The following NIBAN2 variants were observed in gnomAD, a reference collection of about 807,000 sequenced individuals.
The protein encoded by NIBAN2 is niban apoptosis regulator 2.
A neutral mutation model predicts 81.8 loss-of-function variants in NIBAN2; 36 were observed. The observed-to-expected ratio is 0.44, with a 90% CI of 0.34 to 0.58. NIBAN2 has a LOEUF of 0.58. Ranked by LOEUF, NIBAN2 falls within the 20% of genes least tolerant of loss-of-function variation. NIBAN2 has a pLI of 0.02. For missense variants in NIBAN2, 897 were observed against 1,014.1 expected (o/e 0.88, Z 1.57); for synonymous variants, 445 against 441.6 (o/e 1.01, Z -0.10).
At chr9:127,540,282 G>A (rs1450090421) in intron 1 of NIBAN2, among the ~76,000 whole-genome samples, 1 of 152,224 alleles carries the variant, frequency 6.6e-6, no homozygotes, top group Admixed American at 6.5e-5. Context: ...TTGGGGAGCT[G>A]GGGGATGGGG....
intron 1 of NIBAN2, among the ~76,000 whole-genome samples, chr9:127,541,105 C>T (rs1588173203): frequency 6.6e-6 from 1 of 152,292 alleles, no homozygotes; most frequent in South Asian, 2.1e-4. Flanking sequence ...ACTCCATTCT[C>T]GCAGGTCTCA....
intron 1 of NIBAN2, among the ~76,000 whole-genome samples, chr9:127,567,767 C>T (rs1204618010): frequency 6.6e-6 from 1 of 152,200 alleles, no homozygotes; most frequent in Non-Finnish European, 1.5e-5. Flanking sequence ...ATACAAGTGC[C>T]TCTCCTATGC....
At chr9:127,565,948 A>ACACACACG (rs1564321551) in intron 1 of NIBAN2, among the ~76,000 whole-genome samples, 3 of 119,626 alleles carry the variant, frequency 2.5e-5, no homozygotes, top group Admixed American at 8.0e-5. Context: ...TCTCTCTCTC[A>ACACACACG]CACACACACA....
chr9:127,561,267 G>C, intron 1 of NIBAN2: 6 of 985,512 alleles, frequency 6.1e-6, no homozygotes, highest in Non-Finnish European at 7.2e-6. Context: ...CTCATATTTA[G>C]GGCTGCTTAG....
Position 127,507,378 on chromosome 9 carries a change from C to T in NIBAN2, c.1708G>A (p.Val570Ile). 6.6e-7 allele frequency: 1 copy of T among 1,525,140 alleles called. No individual in the cohort carries two copies. The highest frequency in any genetic ancestry group is 8.8e-7 in the Non-Finnish European group (1 of 1,136,304). The allele number at this position is 1,525,140 out of a possible 1,614,324, so 94.5% of individuals were successfully genotyped here. Residue 570 changes from valine to isoleucine, a missense_variant, in exon 14 of 14, where the codon GTC becomes ATC. Physicochemically the swap from Val to Ile is conservative, Grantham distance 29 (BLOSUM62 3). This residue lies in a region of NIBAN2 where 619 missense variants were observed against 691.0 expected (regional missense o/e 0.90). Coordinates refer to ENST00000373312, the MANE Select transcript of NIBAN2 (RefSeq NM_022833.4). This position sits in a 1 kb window ranked among gnomAD's most constrained non-coding sequence, Gnocchi z 6.8. ...AGGTTGGGGTCGCTGTTGTGCATGACCATGCTGTCCCGGTAGAGGTTGTGC... is the reference window on the plus strand; with the variant it reads ...AGGTTGGGGTCGCTGTTGTGCATGATCATGCTGTCCCGGTAGAGGTTGTGC... Reference protein sequence around the residue: ...RKHNLYRDSMVMHNSDPNLHL... With the variant: ...RKHNLYRDSMIMHNSDPNLHL...
chr9:127,572,784 CT>C (rs1182233265), upstream of NIBAN2, among the ~76,000 whole-genome samples: 1 of 152,000 alleles, frequency 6.6e-6, no homozygotes, highest in African/African-American at 2.4e-5. Flanking sequence ...GTGGCTCACA[CT>C]CATAATGCCA....
intron 8 of NIBAN2, among the ~76,000 whole-genome samples, chr9:127,513,271 A>G (rs1836768450): frequency 6.6e-6 from 1 of 152,194 alleles, no homozygotes; most frequent in African/African-American, 2.4e-5. Flanking sequence ...GATAGAGTAG[A>G]AAGATGGTTA....
chr9:127,508,276 G>A lies in NIBAN2; in HGVS notation c.1435-76C>T, dbSNP rs376955906. The A allele has an allele frequency of 1.7e-5, 24 of 1,392,168 alleles. No homozygotes were observed. The highest frequency in any genetic ancestry group is 4.2e-5 in the African/African-American group (3 of 70,684). 86.2% of individuals were successfully genotyped at this position (1,392,168 alleles called of 1,614,324 possible). A position where few individuals can be genotyped will look rare whatever the true frequency, so the allele number is the denominator to read the frequency against. On this transcript the variant is annotated intron_variant, in intron 11 of 13. Transcript: ENST00000373312. This position sits in a 1 kb window ranked among gnomAD's most constrained non-coding sequence, Gnocchi z 6.4. The stretch of plus-strand genomic sequence containing the variant: ...CCCTGAGGGTAGGACGAGGCCAGTG[G>A]TCTGACCCAAGCCTCCGAGTCCTCA...
At chr9:127,566,260 C>G (rs1837857655) in intron 1 of NIBAN2, among the ~76,000 whole-genome samples, 1 of 152,174 alleles carries the variant, frequency 6.6e-6, no homozygotes. Context: ...GGACTTCAGC[C>G]ATCGAGTGGC....
chr9:127,517,763 GC>G lies in NIBAN2; in HGVS notation c.705+62del. ...GCCCCATCTCTGTACCCCACCCCCTGCCCTCCCCTGCTGGGTCCTTGGGTGA... is the reference window on the plus strand; with the variant it reads ...GCCCCATCTCTGTACCCCACCCCCTGCCTCCCCTGCTGGGTCCTTGGGTGA... On this transcript the variant is annotated intron_variant, in intron 6 of 13. Transcript: ENST00000373312. This position sits in a 1 kb window ranked among gnomAD's most constrained non-coding sequence, Gnocchi z 4.0. 1 of 1,231,696 alleles carries G rather than the reference GC, an allele frequency of 8.1e-7. No homozygotes were observed. Among genetic ancestry groups the G allele is most frequent in the Non-Finnish European group, 1.2e-6 (1 of 847,548 alleles). The allele number at this position is 1,231,696 out of a possible 1,614,324, so 76.3% of individuals were successfully genotyped here.
intron 2 of NIBAN2, among the ~76,000 whole-genome samples, chr9:127,528,229 G>T (rs1437442537): frequency 2.6e-5 from 4 of 152,140 alleles, no homozygotes; most frequent in Non-Finnish European, 5.9e-5. Context: ...TTTAAACTAG[G>T]GTTGGGGGCC....
intron 1 of NIBAN2, among the ~76,000 whole-genome samples, chr9:127,552,690 T>TTG (rs1039739213): frequency 3.0e-5 from 4 of 135,300 alleles, no homozygotes; most frequent in African/African-American, 9.0e-5. Context: ...ATTCGTTTTT[T>TTG]TTTTTTTTTT....
At chr9:127,548,586 G>A (rs534861715) in intron 1 of NIBAN2, among the ~76,000 whole-genome samples, 1 of 152,264 alleles carries the variant, frequency 6.6e-6, no homozygotes, top group African/African-American at 2.4e-5. Flanking sequence ...GGGCTTTCCC[G>A]CTGTCTTGCA....
chr9:127,514,270 C>CAAAA (rs34295842), intron 8 of NIBAN2, among the ~76,000 whole-genome samples: 3 of 118,102 alleles, frequency 2.5e-5, no homozygotes, highest in East Asian at 2.9e-4. Context: ...ACTCTGTGTC[C>CAAAA]AAAAAAAAAA....
Position 127,508,258 on chromosome 9 carries a change from G to A in NIBAN2, c.1435-58C>T, listed in dbSNP as rs1023831949. On this transcript the variant is annotated intron_variant, in intron 11 of 13. Coordinates refer to ENST00000373312, the MANE Select transcript of NIBAN2 (RefSeq NM_022833.4). This position sits in a 1 kb window ranked among gnomAD's most constrained non-coding sequence, Gnocchi z 6.4. ...GTCAGTGGGCTCCATTGGCCCTGAGGGTAGGACGAGGCCAGTGGTCTGACC... is the reference window on the plus strand; with the variant it reads ...GTCAGTGGGCTCCATTGGCCCTGAGAGTAGGACGAGGCCAGTGGTCTGACC... The A allele has an allele frequency of 9.0e-6, 13 of 1,448,620 alleles. No individual in the cohort carries two copies. The African/African-American group carries it at 1.4e-4, about 16-fold the overall frequency. 89.7% of individuals were successfully genotyped at this position (1,448,620 alleles called of 1,614,324 possible).
At chr9:127,515,208 G>A (rs1013581016) in intron 8 of NIBAN2, among the ~76,000 whole-genome samples, 4 of 152,108 alleles carry the variant, frequency 2.6e-5, no homozygotes, top group East Asian at 3.9e-4. Flanking sequence ...AAGACAGAGC[G>A]AGACTCTGTC....
chr9:127,537,812 G>T (rs1471302669), intron 1 of NIBAN2, among the ~76,000 whole-genome samples: 3 of 148,138 alleles, frequency 2.0e-5, no homozygotes, highest in African/African-American at 7.4e-5. Flanking sequence ...CTCAGGAAAG[G>T]CCACTCTGTC....
intron 8 of NIBAN2, among the ~76,000 whole-genome samples, chr9:127,510,727 G>A (rs1303852040): frequency 2.6e-5 from 4 of 151,916 alleles, no homozygotes; most frequent in Admixed American, 6.6e-5. Flanking sequence ...GAGCCACCAT[G>A]CCCGGCCTAT....
chr9:127,527,423 T>G (rs1837095925), intron 2 of NIBAN2, 101 bp from the exon 3 acceptor site: 1 of 1,146,144 alleles, frequency 8.7e-7, no homozygotes, highest in Admixed American at 1.9e-5. Context: ...GCGCACCCCC[T>G]GCCTAGCATG....
Sources: allele counts gnomAD v4.1 joint callset (sites outside exome capture counted in the v4.1 genomes callset), GRCh38; gene constraint gnomAD v4.1.1; regional missense constraint gnomAD v4.1.1; non-coding constraint Gnocchi (gnomAD v3.1); transcripts MANE v1.5; gene names NCBI Gene and HGNC (gene_info 2026-07-23, HGNC 2026-07-21).